SLC24A2: variants seen among roughly 807,000 people sequenced by gnomAD.
SLC24A2 encodes sodium/potassium/calcium exchanger 2.
Under a neutral mutation model 62.0 loss-of-function variants are expected in SLC24A2, and 36 were observed. The ratio of observed to expected loss-of-function variants is 0.58; its 90% confidence interval spans 0.44 to 0.77. The LOEUF is 0.77. Among genes scored for constraint, SLC24A2 ranks in the 30% least tolerant of loss-of-function variants. The pLI is 0.00. For missense variants in SLC24A2, 846 were observed against 817.9 expected (o/e 1.03, Z -0.42); for synonymous variants, 358 against 294.0 (o/e 1.22, Z -2.23).
chr9:20,084,813 T>G, the SLC24A2 span, among the ~76,000 whole-genome samples: 1 of 152,154 alleles, frequency 6.6e-6, no homozygotes, highest in Non-Finnish European at 1.5e-5. Flanking sequence ...TGAGCCTGAT[T>G]ATGCTCAGTT....
chr9:19,772,893 A>T (rs977516515), intron 2 of SLC24A2, among the ~76,000 whole-genome samples: 16 of 152,200 alleles, frequency 1.1e-4, no homozygotes, highest in African/African-American at 3.9e-4. Flanking sequence ...TTGTAAGTAA[A>T]TTTCACTTCA....
the SLC24A2 span, among the ~76,000 whole-genome samples, chr9:20,242,595 T>C: frequency 6.6e-6 from 1 of 152,182 alleles, no homozygotes; most frequent in Non-Finnish European, 1.5e-5. Context: ...AGGACACTCC[T>C]GAAAATTCCA....
the SLC24A2 span, among the ~76,000 whole-genome samples, chr9:20,240,679 G>A: frequency 6.6e-6 from 1 of 152,104 alleles, no homozygotes; most frequent in Non-Finnish European, 1.5e-5. Flanking sequence ...GAACTGAAAT[G>A]ACTATGAGGT....
the SLC24A2 span, among the ~76,000 whole-genome samples, chr9:20,230,441 T>C: frequency 6.6e-6 from 1 of 152,236 alleles, no homozygotes; most frequent in African/African-American, 2.4e-5. Context: ...TGGTGTGACA[T>C]GGTATCTCAT....
the SLC24A2 span, among the ~76,000 whole-genome samples, chr9:19,878,312 T>C: frequency 6.6e-6 from 1 of 152,206 alleles, no homozygotes; most frequent in Non-Finnish European, 1.5e-5. Flanking sequence ...TGGATGCAGG[T>C]TTCCTAGTAG....
intron 2 of SLC24A2, among the ~76,000 whole-genome samples, chr9:19,729,008 C>A (rs1430405745): frequency 3.9e-5 from 6 of 152,178 alleles, no homozygotes; most frequent in Admixed American, 6.5e-5. Context: ...TTAGAACAAT[C>A]TTAATGCCCA....
the SLC24A2 span, among the ~76,000 whole-genome samples, chr9:20,052,895 C>T: frequency 1.3e-5 from 2 of 152,182 alleles, no homozygotes; most frequent in Admixed American, 6.5e-5. Flanking sequence ...TATGTGCGCA[C>T]TGGCATATAT....
rs1277203495 is a variant in SLC24A2 at position 19,527,957 on chromosome 9, G to C, written c.1569+92C>G. On this transcript the variant is annotated intron_variant, in intron 9 of 10. Transcript: ENST00000341998. ...TCTGTGTCACACCCAATACTGTTGT[G>C]GCAGTTGCAGAAAGCAAACACAATG... 5.0e-6 allele frequency: 4 copies of C among 792,942 alleles called. No homozygotes were observed. In the African/African-American group the frequency reaches 6.8e-5, roughly 14 times the overall value. The allele number at this position is 792,942 out of a possible 1,614,324, so 49.1% of individuals were successfully genotyped here. A position where few individuals can be genotyped will look rare whatever the true frequency, so the allele number is the denominator to read the frequency against.
At chr9:20,012,856 A>G in the SLC24A2 span, among the ~76,000 whole-genome samples, 2 of 152,162 alleles carry the variant, frequency 1.3e-5, no homozygotes, top group Admixed American at 1.3e-4. Flanking sequence ...GTGGTAAAAG[A>G]CTTGTATGTT....
chr9:19,672,307 T>C (rs1819444729), intron 2 of SLC24A2, among the ~76,000 whole-genome samples: 1 of 146,646 alleles, frequency 6.8e-6, no homozygotes, highest in African/African-American at 2.7e-5. Flanking sequence ...CCATCTCCTC[T>C]AGGTTTTCTA....
chr9:20,303,981 C>T, the SLC24A2 span, among the ~76,000 whole-genome samples: 1 of 152,132 alleles, frequency 6.6e-6, no homozygotes, highest in Non-Finnish European at 1.5e-5. Flanking sequence ...TGACAGTGAC[C>T]ACATAAGGTG....
the SLC24A2 span, among the ~76,000 whole-genome samples, chr9:20,080,244 A>C: frequency 2.2e-3 from 341 of 152,360 alleles, 1 homozygote; most frequent in Middle Eastern, 6.8e-3. Context: ...AGGCTACAGT[A>C]ACAAAAACAG....
chr9:20,275,287 G>A, the SLC24A2 span, among the ~76,000 whole-genome samples: 1 of 152,052 alleles, frequency 6.6e-6, no homozygotes, highest in African/African-American at 2.4e-5. Context: ...GAAGGACACA[G>A]GAAATGGCTC....
chr9:19,938,438 G>A, the SLC24A2 span, among the ~76,000 whole-genome samples: 1 of 152,074 alleles, frequency 6.6e-6, no homozygotes, highest in Non-Finnish European at 1.5e-5. Context: ...TCCCAATACT[G>A]TGACACTTCC....
intron 2 of SLC24A2, among the ~76,000 whole-genome samples, chr9:19,742,339 C>A (rs1821704497): frequency 6.6e-6 from 1 of 152,196 alleles, no homozygotes; most frequent in South Asian, 2.1e-4. Context: ...ACAATGAATT[C>A]ATCTGGATTA....
chr9:19,845,582 T>A, the SLC24A2 span, among the ~76,000 whole-genome samples: 4 of 152,186 alleles, frequency 2.6e-5, no homozygotes, highest in Non-Finnish European at 4.4e-5. Flanking sequence ...TTTGGGGGAC[T>A]TGATTTCATT....
intron 2 of SLC24A2, among the ~76,000 whole-genome samples, chr9:19,687,630 A>G (rs1819922801): frequency 6.6e-6 from 1 of 152,066 alleles, no homozygotes; most frequent in African/African-American, 2.4e-5. Context: ...TTGGGATCAT[A>G]GGACCACTTT....
chr9:19,964,841 G>A, the SLC24A2 span, among the ~76,000 whole-genome samples: 495 of 152,316 alleles, frequency 3.2e-3, 8 homozygotes, highest in Admixed American at 0.023. Flanking sequence ...GGTCAAGTGT[G>A]TGTTTAGCTC....
At chr9:20,103,868 A>G in the SLC24A2 span, among the ~76,000 whole-genome samples, 1 of 152,228 alleles carries the variant, frequency 6.6e-6, no homozygotes, top group Non-Finnish European at 1.5e-5. Flanking sequence ...TGACGAGTTG[A>G]GAGAAGAAGG....
Sources: allele counts gnomAD v4.1 joint callset (sites outside exome capture counted in the v4.1 genomes callset), GRCh38; gene constraint gnomAD v4.1.1; transcripts MANE v1.5; gene names NCBI Gene and HGNC (gene_info 2026-07-23, HGNC 2026-07-21).